The following WASF2 variants were observed in gnomAD, a reference collection of about 807,000 sequenced individuals.
WASF2 encodes WASP family member 2.
In WASF2, 14 loss-of-function variants were observed where a neutral mutation model predicts 45.0. The observed-to-expected ratio is 0.31, with a 90% CI of 0.21 to 0.49. The LOEUF is 0.49. Ranked by LOEUF, WASF2 falls within the 20% of genes least tolerant of loss-of-function variation. The pLI is 0.99. For missense variants in WASF2, 439 were observed against 636.1 expected, an observed-to-expected ratio of 0.69 and a Z score of 3.33; for synonymous variants, 200 against 236.3, an observed-to-expected ratio of 0.85 and a Z score of 1.41.
chr1:27,489,453 TACAC>T (rs371077805), intron 1 of WASF2, among the ~76,000 whole-genome samples: 25 of 17,402 alleles, frequency 1.4e-3, no homozygotes, highest in East Asian at 5.8e-3. Flanking sequence ...TCATGGTACG[TACAC>T]ACACACACAC....
At chr1:27,455,335 T>C (rs1383808502) in intron 1 of WASF2, among the ~76,000 whole-genome samples, 1 of 152,100 alleles carries the variant, frequency 6.6e-6, no homozygotes, top group Admixed American at 6.6e-5. Flanking sequence ...TGCCTCCTAA[T>C]AATTAACCAG....
intron 8 of WASF2, 150 bp from the exon 9 acceptor site, chr1:27,408,496 T>C (rs2016711323): frequency 8.7e-7 from 1 of 1,153,340 alleles, no homozygotes; most frequent in Admixed American, 2.8e-5. Flanking sequence ...CAGAAGAAGA[T>C]GAGTTTATGA....
intron 1 of WASF2, among the ~76,000 whole-genome samples, chr1:27,434,260 T>C (rs1167340856): frequency 6.6e-6 from 1 of 152,198 alleles, no homozygotes; most frequent in Non-Finnish European, 1.5e-5. Context: ...TATGAAGGTG[T>C]TGGAAAGTCA....
Position 27,487,497 on chromosome 1 carries a change from TATTATAA to T in WASF2, c.-44+2482_-44+2488del, listed in dbSNP as rs1316670513. On this transcript the variant is annotated intron_variant, in intron 1 of 8. Coordinates refer to ENST00000618852, the MANE Select transcript of WASF2 (RefSeq NM_006990.5). The stretch of plus-strand genomic sequence containing the variant: ...TTTTATATAAATATATATTATATAA[TATTATAA>T]TATATGTTATATTATATATATTTTA... Among the ~76,000 whole-genome samples, 29 of 112,606 alleles carry T rather than the reference TATTATAA, an allele frequency of 2.6e-4. 1 individual carries two copies. The Middle Eastern group carries it at 0.012, about 48-fold the overall frequency. 73.9% of individuals were successfully genotyped at this position (112,606 alleles called of 152,430 possible).
intron 2 of WASF2, among the ~76,000 whole-genome samples, chr1:27,425,192 G>A (rs558981132): frequency 1.1e-3 from 161 of 152,306 alleles, no homozygotes; most frequent in African/African-American, 3.6e-3. Flanking sequence ...AGGCTCAAGC[G>A]ATCCTCCAAC....
At chr1:27,451,596 GCT>G (rs1007586195) in intron 1 of WASF2, among the ~76,000 whole-genome samples, 2 of 152,182 alleles carry the variant, frequency 1.3e-5, no homozygotes, top group South Asian at 2.1e-4. Context: ...CATTTAGAAA[GCT>G]CTCTCTGGCA....
intron 7 of WASF2, 137 bp downstream of exon 7, chr1:27,412,435 T>C: frequency 8.7e-7 from 1 of 1,154,270 alleles, no homozygotes. Flanking sequence ...CTTGAACTTT[T>C]GGCCTCACGA....
chr1:27,412,669 C>A lies in WASF2; in HGVS notation c.727G>T (p.Ala243Ser), dbSNP rs1381393805. ...GSIGCVENVD[A>S]SSYPPPPQSD... ...TGTGGTGGTGGCGGATAGCTACTTG[C>A]ATCCACGTTTTCAACACAGCCAATG... Residue 243 changes from alanine to serine, a missense_variant, in exon 7 of 9, where the codon GCA becomes TCA. Coordinates refer to ENST00000618852, the MANE Select transcript of WASF2 (RefSeq NM_006990.5). 1 of 1,614,090 alleles carries A rather than the reference C, an allele frequency of 6.2e-7. No individual in the cohort carries two copies. The highest frequency in any genetic ancestry group is 1.7e-5 in the Admixed American group (1 of 60,008).
intron 1 of WASF2, among the ~76,000 whole-genome samples, chr1:27,468,587 G>C (rs907281377): frequency 6.6e-6 from 1 of 151,848 alleles, no homozygotes; most frequent in African/African-American, 2.4e-5. Context: ...GTTACAATGA[G>C]CCGAGATTGC....
rs1397700853 is a variant in WASF2, at chr1:27,407,541, A to T, written c.*648T>A. The T allele has an allele frequency of 6.5e-6, 1 of 152,758 alleles. No individual in the cohort carries two copies. Among genetic ancestry groups the T allele is most frequent in the African/African-American group, 2.4e-5 (1 of 41,450 alleles). The allele number at this position is 152,758 out of a possible 1,614,324, so 9.5% of individuals were successfully genotyped here. On this transcript the variant is annotated 3_prime_UTR_variant, in exon 9 of 9. Coordinates refer to ENST00000618852, the MANE Select transcript of WASF2 (RefSeq NM_006990.5). ...AAAGGGATCCTGGGAGGGAGGCAAC[A>T]ACACCAGCCTACAGAAAGGCATCAT...
chr1:27,415,639 A>G (rs988606700), intron 5 of WASF2, among the ~76,000 whole-genome samples: 2 of 152,362 alleles, frequency 1.3e-5, no homozygotes, highest in Admixed American at 1.3e-4. Flanking sequence ...TCTCTGAGAA[A>G]TGAGCTGCAA....
intron 2 of WASF2, among the ~76,000 whole-genome samples, chr1:27,423,158 A>T (rs1557599964): frequency 6.6e-6 from 1 of 151,672 alleles, no homozygotes; most frequent in East Asian, 1.9e-4. Context: ...AAAAAAAAAA[A>T]AGTGTTAATT....
At chr1:27,477,368 C>T (rs944643922) in intron 1 of WASF2, among the ~76,000 whole-genome samples, 2 of 151,786 alleles carry the variant, frequency 1.3e-5, no homozygotes, top group Non-Finnish European at 2.9e-5. Flanking sequence ...GGCGAAATCC[C>T]ATCTCTACTA....
At chr1:27,409,610 C>A in intron 8 of WASF2, 82 bp downstream of exon 8, 1 of 1,380,810 alleles carries the variant, frequency 7.2e-7, no homozygotes. Context: ...GGCACAGGGA[C>A]CCCCTCACCC....
chr1:27,487,815 T>A (rs1446338570), intron 1 of WASF2, among the ~76,000 whole-genome samples: 1 of 142,202 alleles, frequency 7.0e-6, no homozygotes, highest in East Asian at 2.0e-4. Flanking sequence ...ATATTTTATA[T>A]ATAAGACCAA....
chr1:27,428,340 G>T (rs1157615743), intron 2 of WASF2, among the ~76,000 whole-genome samples: 3 of 152,182 alleles, frequency 2.0e-5, no homozygotes, highest in African/African-American at 7.2e-5. Flanking sequence ...AAAACTATTG[G>T]CACATTTGAG....
chr1:27,453,361 G>A (rs1244630861), intron 1 of WASF2, among the ~76,000 whole-genome samples: 1 of 152,090 alleles, frequency 6.6e-6, no homozygotes, highest in African/African-American at 2.4e-5. Flanking sequence ...GGAGGCTGAG[G>A]TGGGTGGATC....
intron 1 of WASF2, among the ~76,000 whole-genome samples, chr1:27,489,252 GCACACACACACACACACA>G (rs60315426): frequency 1.2e-5 from 1 of 80,252 alleles, no homozygotes; most frequent in Non-Finnish European, 2.3e-5. Flanking sequence ...CTGTACGCGC[GCACACACACACACACACA>G]CACACACACA....
chr1:27,431,766 A>T (rs1040043220), intron 1 of WASF2, among the ~76,000 whole-genome samples: 2 of 152,186 alleles, frequency 1.3e-5, no homozygotes, highest in African/African-American at 4.8e-5. Context: ...ATGGTTTTCT[A>T]AGTGCCTTGG....
Sources: gnomAD v4.1 joint callset for allele counts (sites outside exome capture counted in the v4.1 genomes callset) on GRCh38, gnomAD v4.1.1 for gene constraint, MANE v1.5 for transcripts, NCBI Gene and HGNC (gene_info 2026-07-23, HGNC 2026-07-21) for gene names.